The following MARCHF1 variants were observed in gnomAD, a reference collection of about 807,000 sequenced individuals.
The protein encoded by MARCHF1 is E3 ubiquitin-protein ligase MARCHF1.
In MARCHF1, 40 loss-of-function variants were observed where a neutral mutation model predicts 54.2. The observed-to-expected ratio is 0.74, with a 90% CI of 0.57 to 0.96. The LOEUF (loss-of-function observed/expected upper bound fraction) is 0.96. Ranked by LOEUF, MARCHF1 falls within the 40% of genes least tolerant of loss-of-function variation. The probability of loss-of-function intolerance (pLI) is 0.00; values close to 1 mark genes in which losing one functional copy is unlikely to be tolerated. For missense variants in MARCHF1, 586 were observed against 656.5 expected (o/e 0.89, Z 1.17); for synonymous variants, 236 against 236.3 (o/e 1.00, Z 0.01).
At chr4:164,236,155 C>G (rs1385264071) in intron 1 of MARCHF1, among the ~76,000 whole-genome samples, 1 of 152,078 alleles carries the variant, frequency 6.6e-6, no homozygotes, top group Non-Finnish European at 1.5e-5. Context: ...TTTTGTCAGT[C>G]CCACTAGTTT....
At chr4:164,191,890 G>A (rs1341913937) in intron 1 of MARCHF1, among the ~76,000 whole-genome samples, 2 of 151,960 alleles carry the variant, frequency 1.3e-5, no homozygotes, top group Non-Finnish European at 2.9e-5. Context: ...TTGTAACATT[G>A]TGTTTCTATT....
At chr4:164,038,369 TG>T (rs1326035711) in intron 2 of MARCHF1, among the ~76,000 whole-genome samples, 1 of 152,132 alleles carries the variant, frequency 6.6e-6, no homozygotes, top group Non-Finnish European at 1.5e-5. Context: ...TGGCGGCACC[TG>T]TAGTCCCAGC....
chr4:163,800,702 T>G (rs1232210798), intron 4 of MARCHF1, among the ~76,000 whole-genome samples: 1 of 152,112 alleles, frequency 6.6e-6, no homozygotes, highest in African/African-American at 2.4e-5. Context: ...AGAAAATTAT[T>G]ATGTCACACT....
chr4:164,229,434 C>CT lies in MARCHF1; in HGVS notation c.-322-117773dup, dbSNP rs1347016140. 7.4e-4 allele frequency among the ~76,000 whole-genome samples: 113 copies of CT among 152,220 alleles called. 2 individuals carry two copies. The East Asian group carries it at 0.016, about 22-fold the overall frequency. ...CCAGCTGCCAATAGCCAATGGGGGA[C>CT]TGAGGCCTTTGGCCAATAGTCATGA... On this transcript the variant is annotated intron_variant, in intron 1 of 9. Transcript: ENST00000514618.
intron 1 of MARCHF1, among the ~76,000 whole-genome samples, chr4:164,139,453 C>T (rs1184933722): frequency 3.3e-5 from 5 of 149,674 alleles, no homozygotes. Context: ...ACAAAACCAT[C>T]AAATGCTGAT....
chr4:163,603,223 A>C (rs541306194), intron 7 of MARCHF1, among the ~76,000 whole-genome samples: 3 of 152,284 alleles, frequency 2.0e-5, no homozygotes, highest in Admixed American at 2.0e-4. Context: ...ATATAATTTT[A>C]CTCAAAAATC....
intron 1 of MARCHF1, among the ~76,000 whole-genome samples, chr4:164,140,239 CTAT>C (rs1417334784): frequency 2.0e-5 from 3 of 147,320 alleles, no homozygotes; most frequent in Admixed American, 2.0e-4. Flanking sequence ...TACACACACA[CTAT>C]ATATATATAT....
intron 5 of MARCHF1, among the ~76,000 whole-genome samples, chr4:163,674,581 C>T (rs1276840081): frequency 6.6e-6 from 1 of 152,136 alleles, no homozygotes; most frequent in Admixed American, 6.6e-5. Flanking sequence ...TTGGAGTTTT[C>T]TGCCTTGGTG....
In MARCHF1 at chr4:163,871,723, G is replaced by A. The variant is rs114329275; in HGVS notation, c.-38-17554C>T. Among the ~76,000 whole-genome samples, 1,074 of 152,156 alleles carry A rather than the reference G, an allele frequency of 7.1e-3. 12 individuals are homozygous for A. Among genetic ancestry groups the A allele is most frequent in the African/African-American group, 0.025 (1,025 of 41,496 alleles). On this transcript the variant is annotated intron_variant, in intron 3 of 9. Coordinates refer to ENST00000514618, the MANE Select transcript of MARCHF1 (RefSeq NM_001394959.1). ...TTTGATAACTGTATTTATATCATATGAAAATCATATGCTTATTATTTTATT... is the reference window on the plus strand; with the variant it reads ...TTTGATAACTGTATTTATATCATATAAAAATCATATGCTTATTATTTTATT...
At chr4:163,611,649 T>C (rs3792615) in intron 7 of MARCHF1, among the ~76,000 whole-genome samples, 11,596 of 152,128 alleles carry the variant, frequency 0.076, 805 homozygotes, top group East Asian at 0.2. Context: ...GCAAGAACGC[T>C]GCCACATAGC....
chr4:163,572,566 T>C (rs1739877462), intron 8 of MARCHF1, among the ~76,000 whole-genome samples: 1 of 152,140 alleles, frequency 6.6e-6, no homozygotes, highest in African/African-American at 2.4e-5. Flanking sequence ...CTATGCTCCT[T>C]ATATTTTAGT....
intron 3 of MARCHF1, among the ~76,000 whole-genome samples, chr4:163,894,457 T>C (rs969799607): frequency 6.6e-6 from 1 of 151,528 alleles, no homozygotes; most frequent in South Asian, 2.1e-4. Context: ...AATAAAGAGA[T>C]AAACTTCAAT....
intron 2 of MARCHF1, among the ~76,000 whole-genome samples, chr4:164,073,858 C>T (rs970158301): frequency 7.2e-5 from 11 of 151,848 alleles, no homozygotes; most frequent in Non-Finnish European, 1.2e-4. Flanking sequence ...GGCTGGAGTG[C>T]AGTGGCGCAA....
chr4:163,742,764 A>G (rs924727770), intron 4 of MARCHF1, among the ~76,000 whole-genome samples: 4 of 152,152 alleles, frequency 2.6e-5, no homozygotes, highest in African/African-American at 7.2e-5. Flanking sequence ...GGGTACGCCC[A>G]GTACTGGAAT....
chr4:164,122,836 T>C (rs1475574329), intron 1 of MARCHF1, among the ~76,000 whole-genome samples: 1 of 152,072 alleles, frequency 6.6e-6, no homozygotes, highest in African/African-American at 2.4e-5. Context: ...TACTGAGTAG[T>C]GAAAAACTGA....
intron 1 of MARCHF1, among the ~76,000 whole-genome samples, chr4:164,302,374 C>A (rs1734583547): frequency 6.6e-6 from 1 of 152,062 alleles, no homozygotes; most frequent in South Asian, 2.1e-4. Flanking sequence ...GGAATTTTAA[C>A]ATGTCTTGAT....
chr4:164,340,930 A>G (rs11935254), intron 1 of MARCHF1, among the ~76,000 whole-genome samples: 15,313 of 151,264 alleles, frequency 0.1, 1,367 homozygotes, highest in East Asian at 0.29. Flanking sequence ...AAAAAAAAAA[A>G]AAAAGTTACA....
chr4:164,012,102 A>T (rs1002673519), intron 2 of MARCHF1, among the ~76,000 whole-genome samples: 11 of 152,176 alleles, frequency 7.2e-5, no homozygotes, highest in Admixed American at 5.9e-4. Flanking sequence ...TAGCTGACGA[A>T]ATTGGCCTGG....
intron 4 of MARCHF1, among the ~76,000 whole-genome samples, chr4:163,826,061 C>A: frequency 6.6e-6 from 1 of 151,986 alleles, no homozygotes; most frequent in East Asian, 1.9e-4. Context: ...TGTCATGCAA[C>A]TTTTATAGAC....
Sources: allele counts gnomAD v4.1 joint callset (sites outside exome capture counted in the v4.1 genomes callset), GRCh38; gene constraint gnomAD v4.1.1; transcripts MANE v1.5; gene names NCBI Gene and HGNC (gene_info 2026-07-23, HGNC 2026-07-21).